ROBO2: variants seen among roughly 807,000 people sequenced by gnomAD.
ROBO2 encodes roundabout guidance receptor 2, also known as roundabout homolog 2.
In ROBO2, 53 loss-of-function variants were observed where a neutral mutation model predicts 160.8. The observed-to-expected ratio is 0.33, with a 90% CI of 0.26 to 0.41. The LOEUF is 0.41. Ranked by LOEUF, ROBO2 falls within the 10% of genes least tolerant of loss-of-function variation. The pLI is 1.00. For synonymous variants in ROBO2, 664 were observed against 611.7 expected, an observed-to-expected ratio of 1.09 and a Z score of -1.26; for missense variants, 1,577 against 1,722.4, an observed-to-expected ratio of 0.92 and a Z score of 1.49.
chr3:76,626,972 G>A (rs1268592169), intron 2 of ROBO2, among the ~76,000 whole-genome samples: 1 of 152,158 alleles, frequency 6.6e-6, no homozygotes, highest in Non-Finnish European at 1.5e-5. Context: ...TTACAGGCGT[G>A]AGCCACCATG....
chr3:77,524,446 C>T (rs751742355), intron 6 of ROBO2, among the ~76,000 whole-genome samples: 2 of 151,282 alleles, frequency 1.3e-5, no homozygotes, highest in Non-Finnish European at 3.0e-5. Flanking sequence ...CAAATTATCC[C>T]CGAAGTTTTC....
intron 2 of ROBO2, among the ~76,000 whole-genome samples, chr3:76,476,758 AGATG>A (rs927225372): frequency 2.0e-5 from 3 of 152,176 alleles, no homozygotes; most frequent in African/African-American, 7.2e-5. Flanking sequence ...GGAAATGACC[AGATG>A]TATCAAACAG....
chr3:76,752,439 A>C (rs2060727344), intron 2 of ROBO2, among the ~76,000 whole-genome samples: 1 of 143,794 alleles, frequency 7.0e-6, no homozygotes, highest in African/African-American at 2.6e-5. Context: ...GTATAAAACA[A>C]AAAAAAAAAA....
At chr3:76,053,083 C>T (rs927807144) in intron 2 of ROBO2, among the ~76,000 whole-genome samples, 1 of 151,918 alleles carries the variant, frequency 6.6e-6, no homozygotes, top group Non-Finnish European at 1.5e-5. Flanking sequence ...GCCTAGCTTC[C>T]CCCAGTGGTC....
At chr3:77,580,499 A>G (rs2093889037) in intron 16 of ROBO2, among the ~76,000 whole-genome samples, 1 of 152,152 alleles carries the variant, frequency 6.6e-6, no homozygotes, top group Non-Finnish European at 1.5e-5. Flanking sequence ...AGAAATGTCA[A>G]AAATTAACAA....
chr3:76,412,737 C>T (rs1250268155), intron 2 of ROBO2, among the ~76,000 whole-genome samples: 2 of 152,210 alleles, frequency 1.3e-5, no homozygotes, highest in African/African-American at 4.8e-5. Context: ...TTGCAGGATA[C>T]TGCCTCCCTC....
Position 77,263,586 on chromosome 3 carries a change from C to T in ROBO2, c.388+165246C>T, listed in dbSNP as rs115895473. 1.0e-2 allele frequency among the ~76,000 whole-genome samples: 1,515 copies of T among 152,236 alleles called. 20 individuals are homozygous for T. The highest frequency in any genetic ancestry group is 0.033 in the African/African-American group (1,360 of 41,530). On this transcript the variant is annotated intron_variant, in intron 2 of 25. Transcript: ENST00000461745. ...CATGTCCCTACAAAGGATATAATCG[C>T]GTTCTTTTATGGCTGCATAGTATTC...
intron 2 of ROBO2, among the ~76,000 whole-genome samples, chr3:76,951,793 C>G (rs773635071): frequency 1.3e-5 from 2 of 152,088 alleles, no homozygotes; most frequent in African/African-American, 2.4e-5. Context: ...ATACCATGCT[C>G]CAAAAATTCT....
intron 2 of ROBO2, among the ~76,000 whole-genome samples, chr3:77,330,110 A>C (rs1329099488): frequency 6.6e-6 from 1 of 152,184 alleles, no homozygotes; most frequent in Non-Finnish European, 1.5e-5. Context: ...ATATATATTA[A>C]GGGATATGAT....
intron 1 of ROBO2, among the ~76,000 whole-genome samples, chr3:77,052,445 A>G (rs2065318868): frequency 6.6e-6 from 1 of 152,176 alleles, no homozygotes; most frequent in African/African-American, 2.4e-5. Flanking sequence ...AGCATCAGTC[A>G]GCTGCCTTTG....
At chr3:76,639,795 A>C (rs2109656117) in intron 2 of ROBO2, among the ~76,000 whole-genome samples, 1 of 152,262 alleles carries the variant, frequency 6.6e-6, no homozygotes, top group East Asian at 1.9e-4. Context: ...CACACCACAT[A>C]AATTGGACGA....
chr3:76,897,379 G>T (rs1417448127), intron 2 of ROBO2, among the ~76,000 whole-genome samples: 1 of 152,058 alleles, frequency 6.6e-6, no homozygotes, highest in Non-Finnish European at 1.5e-5. Flanking sequence ...TTTTTATGAG[G>T]CCTGGAAATT....
chr3:76,849,270 A>G (rs1035822221), intron 2 of ROBO2, among the ~76,000 whole-genome samples: 2 of 152,184 alleles, frequency 1.3e-5, no homozygotes, highest in Non-Finnish European at 2.9e-5. Context: ...CTTAGGGGGT[A>G]TTCAGTAAAT....
At chr3:76,308,930 A>T (rs1354762648) in intron 2 of ROBO2, among the ~76,000 whole-genome samples, 1 of 152,178 alleles carries the variant, frequency 6.6e-6, no homozygotes, top group Non-Finnish European at 1.5e-5. Context: ...GGAAAGAATG[A>T]TTTTCTTAGT....
chr3:77,614,551 G>A (rs554397040), intron 21 of ROBO2, among the ~76,000 whole-genome samples: 1 of 152,080 alleles, frequency 6.6e-6, no homozygotes, highest in Admixed American at 6.5e-5. Context: ...CTGAAACAGG[G>A]TCTTGCAACT....
At chr3:76,493,337 T>TTATATATATATATATATA (rs57835432) in intron 2 of ROBO2, among the ~76,000 whole-genome samples, 4,046 of 104,038 alleles carry the variant, frequency 0.039, 134 homozygotes, top group Non-Finnish European at 0.046. Context: ...AGACAAAAAA[T>TTATATATATATATATATA]TATATATATA....
At chr3:76,844,141 G>A (rs751925641) in intron 2 of ROBO2, among the ~76,000 whole-genome samples, 67 of 152,000 alleles carry the variant, frequency 4.4e-4, no homozygotes, top group Middle Eastern at 3.4e-3. Flanking sequence ...TTACATATTT[G>A]AATAAATAGC....
chr3:77,376,711 G>A (rs1171535091), intron 2 of ROBO2, among the ~76,000 whole-genome samples: 3 of 152,034 alleles, frequency 2.0e-5, no homozygotes, highest in African/African-American at 7.3e-5. Flanking sequence ...CATATTTTAA[G>A]CATCTTTTAC....
intron 2 of ROBO2, among the ~76,000 whole-genome samples, chr3:76,252,816 T>G (rs1047171592): frequency 2.6e-5 from 4 of 151,414 alleles, no homozygotes; most frequent in African/African-American, 9.7e-5. Context: ...TTTGCTTTGT[T>G]TTTTTTTGAA....
Sources: gnomAD v4.1 joint callset for allele counts (sites outside exome capture counted in the v4.1 genomes callset) on GRCh38, gnomAD v4.1.1 for gene constraint, MANE v1.5 for transcripts, NCBI Gene and HGNC (gene_info 2026-07-23, HGNC 2026-07-21) for gene names.